The following KMT2B variants were observed in gnomAD, a reference collection of about 807,000 sequenced individuals.
KMT2B encodes the protein histone-lysine N-methyltransferase 2B.
In KMT2B, 22 loss-of-function variants were observed where a neutral mutation model predicts 255.3. That is an observed-to-expected ratio of 0.09 (90% confidence interval 0.06 to 0.12). The LOEUF (loss-of-function observed/expected upper bound fraction) is 0.12, where lower values mean the gene tolerates loss of function less well. Among genes scored for constraint, KMT2B ranks in the 10% least tolerant of loss-of-function variants. KMT2B has a pLI of 1.00. For synonymous variants in KMT2B, 1,730 were observed against 1,498.1 expected, an observed-to-expected ratio of 1.15 and a Z score of -3.57; for missense variants, 3,149 against 3,737.0, an observed-to-expected ratio of 0.84 and a Z score of 4.10.
Position 35,723,690 on chromosome 19 carries a change from C to G in KMT2B, c.3059-42C>G, listed in dbSNP as rs1467886735. The G allele has an allele frequency of 6.7e-7, 1 of 1,495,212 alleles. No individual in the cohort carries two copies. Among genetic ancestry groups the G allele is most frequent in the Non-Finnish European group, 9.0e-7 (1 of 1,114,184 alleles). The allele number at this position is 1,495,212 out of a possible 1,614,324, so 92.6% of individuals were successfully genotyped here. On this transcript the variant is annotated intron_variant, in intron 7 of 36. Transcript: ENST00000420124. The surrounding 1 kb of genome is among the most constrained non-coding windows in gnomAD (Gnocchi z 7.5). ...GGCTTCTCTCCCAGTGTCCCATGTCCCTGGCTGAGCTCAAATCCTACTAAG... is the reference window on the plus strand; with the variant it reads ...GGCTTCTCTCCCAGTGTCCCATGTCGCTGGCTGAGCTCAAATCCTACTAAG...
In KMT2B at chr19:35,720,946, T is replaced by C; in HGVS notation, c.1599T>C (p.Ser533=). The C allele has an allele frequency of 1.2e-6, 2 of 1,611,594 alleles. No individual in the cohort carries two copies. The highest frequency in any genetic ancestry group is 1.7e-6 in the Non-Finnish European group (2 of 1,179,190). Residue 533 remains serine (S), a synonymous_variant, in exon 3 of 37, where the codon AGT becomes AGC. Coordinates refer to ENST00000420124, the MANE Select transcript of KMT2B (RefSeq NM_014727.3). ...GGCAGTTTATTATGCCTGTGGTGAG[T>C]GCCCGCTCCTCCCGTGTCATCAAGA... ...NIRQFIMPVV[S]ARSSRVIKTP... is the part of the protein sequence containing the mutation.
At chr19:35,721,916 A>G (rs1481023838) in intron 3 of KMT2B, 112 bp downstream of exon 3, 41 of 1,382,768 alleles carry the variant, frequency 3.0e-5, no homozygotes, top group Non-Finnish European at 3.6e-5. Context: ...GGGAACCCTC[A>G]GAACCTGCCT....
At position 35,725,907 on chromosome 19, in the gene KMT2B, A is replaced by C; in HGVS notation, c.3885+89A>C. 9.1e-7 allele frequency: 1 copy of C among 1,093,868 alleles called. No individual in the cohort carries two copies. The highest frequency in any genetic ancestry group is 1.3e-5 in the South Asian group (1 of 74,182). The allele number at this position is 1,093,868 out of a possible 1,614,324, so 67.8% of individuals were successfully genotyped here. ...GCTCTAGGCTGGGGCTCTCAGGAGG[A>C]GCAGAGGTTGGGGATCCTCTTAAGA... On this transcript the variant is annotated intron_variant, in intron 13 of 36. Transcript: ENST00000420124. This position sits in a 1 kb window ranked among gnomAD's most constrained non-coding sequence, Gnocchi z 4.1.
Position 35,738,200 on chromosome 19 carries a change from C to T in KMT2B, c.7872+9C>T, listed in dbSNP as rs1374307089. 1.2e-6 allele frequency: 2 copies of T among 1,613,752 alleles called. No homozygotes were observed. Among genetic ancestry groups the T allele is most frequent in the Admixed American group, 3.3e-5 (2 of 59,986 alleles). On this transcript the variant is annotated intron_variant, in intron 36 of 36. Coordinates refer to ENST00000420124, the MANE Select transcript of KMT2B (RefSeq NM_014727.3). This position sits in a 1 kb window ranked among gnomAD's most constrained non-coding sequence, Gnocchi z 8.7. ...AGTTCTACGATGGGAAGGTGGGCTC[C>T]CAGTGGCTGTGGGAAGACAGTGGGT...
In KMT2B at chr19:35,730,520, C is replaced by T. The variant is rs1269601088; in HGVS notation, c.5198-18C>T. On this transcript the variant is annotated intron_variant, in intron 24 of 36. Transcript: ENST00000420124. The stretch of plus-strand genomic sequence containing the variant: ...CCCTGTCCTGCCTGCCTCTCCTGAC[C>T]TCCGCTTTGCACCACAGGTTCCATC... 6.8e-6 allele frequency: 11 copies of T among 1,613,910 alleles called. No individual in the cohort carries two copies. The highest frequency in any genetic ancestry group is 1.1e-5 in the South Asian group (1 of 91,090).
rs1302665067 is a variant in KMT2B, at chr19:35,725,210, C to T, written c.3529-10C>T. 4.3e-6 allele frequency: 7 copies of T among 1,609,792 alleles called. No individual in the cohort carries two copies. The South Asian group carries it at 4.4e-5, about 10-fold the overall frequency. On this transcript the variant is annotated splice_polypyrimidine_tract_variant and intron_variant, in intron 10 of 36. Coordinates refer to ENST00000420124, the MANE Select transcript of KMT2B (RefSeq NM_014727.3). This position sits in a 1 kb window ranked among gnomAD's most constrained non-coding sequence, Gnocchi z 4.1. The stretch of plus-strand genomic sequence containing the variant: ...GCGGCCCTCTGATCCTGCATCCTCT[C>T]TTCCCCCAGGAGGATTGTGATTTAG...
chr19:35,719,649 C>G, intron 2 of KMT2B, 108 bp downstream of exon 2: 1 of 1,509,464 alleles, frequency 6.6e-7, no homozygotes, highest in African/African-American at 1.4e-5. Context: ...CGAATGTGTT[C>G]TGTGTTCAGA....
intron 3 of KMT2B, among the ~76,000 whole-genome samples, 159 bp downstream of exon 3, chr19:35,721,963 A>ACTTGGC: frequency 6.8e-6 from 1 of 147,398 alleles, no homozygotes; most frequent in Non-Finnish European, 1.5e-5. Context: ...TCCTCCCCAG[A>ACTTGGC]CCTGGCCCTT....
intron 1 of KMT2B, among the ~76,000 whole-genome samples, chr19:35,719,249 G>A (rs1458842625): frequency 2.6e-5 from 4 of 152,234 alleles, no homozygotes; most frequent in African/African-American, 9.6e-5. Context: ...GTGCTGGTGT[G>A]GTCCGGCACT....
At position 35,725,363 on chromosome 19, in the gene KMT2B, C is replaced by T. The variant is rs759416677; in HGVS notation, c.3642+30C>T. 87 of 1,558,714 alleles carry T rather than the reference C, an allele frequency of 5.6e-5. No homozygotes were observed. The highest frequency in any genetic ancestry group is 7.4e-5 in the Non-Finnish European group (85 of 1,150,980). On this transcript the variant is annotated intron_variant, in intron 11 of 36. Transcript: ENST00000420124. This position sits in a 1 kb window ranked among gnomAD's most constrained non-coding sequence, Gnocchi z 4.1. ...GATCTCTGCCTTTCTTCACAGACCC[C>T]CAGCTCTCTGTCGGTCCTCACGGCC...
rs754525793 is a variant in KMT2B, at chr19:35,737,806, TGA to T, written c.7659-47_7659-46del. On this transcript the variant is annotated intron_variant, in intron 34 of 36. Coordinates refer to ENST00000420124, the MANE Select transcript of KMT2B (RefSeq NM_014727.3). The surrounding 1 kb of genome is among the most constrained non-coding windows in gnomAD (Gnocchi z 5.3). ...AAGGGTCTTAGAGAGTGAGCAGGGG[TGA>T]GAGAGGTCATTCTGAGCACCAGCCT... 3.2e-6 allele frequency: 5 copies of T among 1,547,422 alleles called. No individual in the cohort carries two copies. Among genetic ancestry groups the T allele is most frequent in the African/African-American group, 1.4e-5 (1 of 72,848 alleles).
rs1479900354 is a variant in KMT2B, at chr19:35,732,313, A to G, written c.5764A>G (p.Arg1922Gly). The change falls in exon 28 of 37, where the codon AGG (arginine) becomes GGG (glycine). Residue 1922 changes from arginine (R) to glycine (G), a missense_variant. This residue lies in a region of KMT2B where 897 missense variants were observed against 825.3 expected (regional missense o/e 1.09). Coordinates refer to ENST00000420124, the MANE Select transcript of KMT2B (RefSeq NM_014727.3). ...CCGTCGTCCCAGCCCTTTGGCTCCC[A>G]GGCCGCCTCCATCACGGTGGGCCTC... ...RSRRPSPLAP[R>G]PPPSRWASPP... 2 of 1,609,918 alleles carry G rather than the reference A, an allele frequency of 1.2e-6. No homozygotes were observed. Among genetic ancestry groups the G allele is most frequent in the Non-Finnish European group, 1.7e-6 (2 of 1,178,486 alleles).
At position 35,732,577 on chromosome 19, in the gene KMT2B, G is replaced by T. The variant is rs548255667; in HGVS notation, c.6028G>T (p.Ala2010Ser). 3.2e-4 allele frequency: 509 copies of T among 1,613,518 alleles called. 9 individuals carry two copies. In the South Asian group the frequency reaches 5.2e-3, roughly 16 times the overall value. Residue 2010 changes from alanine to serine, a missense_variant, in exon 28 of 37, where the codon GCT (alanine) becomes TCT (serine). Coordinates refer to ENST00000420124, the MANE Select transcript of KMT2B (RefSeq NM_014727.3). ...TEPFQEEIVA[A>S]GAMGSSHGGP... is the part of the protein sequence containing the mutation. ...GCCCTTCCAGGAAGAGATTGTAGCC[G>T]CTGGGGCCATGGGGAGCAGCCACGG...
chr19:35,737,174 C>G lies in KMT2B; in HGVS notation c.7461C>G (p.His2487Gln). Residue 2487 changes from histidine to glutamine, a missense_variant, in exon 33 of 37, where the codon CAC becomes CAG. Around this residue, in one of 18 missense-constraint regions of KMT2B, gnomAD observed 103 missense variants for 200.7 expected, o/e 0.51. Coordinates refer to ENST00000420124, the MANE Select transcript of KMT2B (RefSeq NM_014727.3). This position sits in a 1 kb window ranked among gnomAD's most constrained non-coding sequence, Gnocchi z 5.3. The stretch of plus-strand genomic sequence containing the variant: ...TCCCCGGAGCCCAGCGTTGCCAGCA[C>G]TATAAGTTCCGTTACCACCAGCAGG... ...EQLPGAQRCQ[H>Q]YKFRYHQQGE... 2.5e-6 allele frequency: 4 copies of G among 1,605,966 alleles called. No individual in the cohort carries two copies. Among genetic ancestry groups the G allele is most frequent in the Non-Finnish European group, 3.4e-6 (4 of 1,176,290 alleles).
Position 35,727,461 on chromosome 19 carries a change from G to A in KMT2B, c.4141G>A (p.Gly1381Arg). ...AGATGAAGACTACGAGATCCTTTCA[G>A]GACTGCCAGACTCGGTGCTGTACAC... ...LSDEDYEILS[G>R]LPDSVLYTCG... The change falls in exon 16 of 37, where the codon GGA becomes AGA. Residue 1381 changes from glycine (G) to arginine (R), a missense_variant. By Grantham distance (125) the Gly-to-Arg change is moderately radical (BLOSUM62 -2). This residue lies in a region of KMT2B where 377 missense variants were observed against 471.0 expected (regional missense o/e 0.80). Transcript: ENST00000420124. This position sits in a 1 kb window ranked among gnomAD's most constrained non-coding sequence, Gnocchi z 4.2. The A allele has an allele frequency of 6.2e-7, 1 of 1,613,206 alleles. No individual in the cohort carries two copies. The highest frequency in any genetic ancestry group is 8.5e-7 in the Non-Finnish European group (1 of 1,179,870).
chr19:35,733,326 C>G lies in KMT2B; in HGVS notation c.6777C>G (p.Pro2259=), dbSNP rs750048269. ...CTGCCCCGCCCCCGCCACCCCCTCC[C>G]CTGACGCTGGTGCTGAGCAGTGGGC... The part of the protein sequence containing the change: ...VRPAPPPPPP[P]LTLVLSSGPA... Residue 2259 remains proline, a synonymous_variant, in exon 28 of 37, where the codon CCC becomes CCG. Coordinates refer to ENST00000420124, the MANE Select transcript of KMT2B (RefSeq NM_014727.3). The surrounding 1 kb of genome is among the most constrained non-coding windows in gnomAD (Gnocchi z 4.3). 3 of 1,536,740 alleles carry G rather than the reference C, an allele frequency of 2.0e-6. No individual in the cohort carries two copies. The highest frequency in any genetic ancestry group is 2.6e-6 in the Non-Finnish European group (3 of 1,136,908).
At chr19:35,730,269 G>A (rs1194164260) in intron 23 of KMT2B, 73 bp from the exon 24 acceptor site, 45 of 1,602,226 alleles carry the variant, frequency 2.8e-5, no homozygotes, top group Middle Eastern at 1.7e-4. Context: ...CCAAGCCCCT[G>A]ACTGTTCAGA....
chr19:35,725,925 T>C lies in KMT2B; in HGVS notation c.3885+107T>C. 1.1e-6 allele frequency: 1 copy of C among 900,244 alleles called. No individual in the cohort carries two copies. The highest frequency in any genetic ancestry group is 1.8e-6 in the Non-Finnish European group (1 of 570,098). The allele number at this position is 900,244 out of a possible 1,614,324, so 55.8% of individuals were successfully genotyped here. A position where few individuals can be genotyped will look rare whatever the true frequency, so the allele number is the denominator to read the frequency against. ...CAGGAGGAGCAGAGGTTGGGGATCC[T>C]CTTAAGAATTGATTAGTAATGTTTC... On this transcript the variant is annotated intron_variant, in intron 13 of 36. Transcript: ENST00000420124. This position sits in a 1 kb window ranked among gnomAD's most constrained non-coding sequence, Gnocchi z 4.1.
In KMT2B at chr19:35,733,533, A is replaced by G; in HGVS notation, c.6959+25A>G. 6.4e-7 allele frequency: 1 copy of G among 1,553,904 alleles called. No homozygotes were observed. The highest frequency in any genetic ancestry group is 8.7e-7 in the Non-Finnish European group (1 of 1,148,658). On this transcript the variant is annotated intron_variant, in intron 28 of 36. Coordinates refer to ENST00000420124, the MANE Select transcript of KMT2B (RefSeq NM_014727.3). The surrounding 1 kb of genome is among the most constrained non-coding windows in gnomAD (Gnocchi z 4.3). The stretch of plus-strand genomic sequence containing the variant: ...GGTGAGTGCGGGTGCTGAGGCTGGC[A>G]GAGCAGGCAAGGGGGCAGATGGGCG...
Sources: gnomAD v4.1 joint callset for allele counts (sites outside exome capture counted in the v4.1 genomes callset) on GRCh38, gnomAD v4.1.1 for gene constraint, gnomAD v4.1.1 regional missense constraint, Gnocchi (gnomAD v3.1) non-coding constraint, MANE v1.5 for transcripts, NCBI Gene and HGNC (gene_info 2026-07-23, HGNC 2026-07-21) for gene names.